Variants in RASGRF2 observed in about 807,000 individuals in gnomAD.
RASGRF2 encodes the protein Ras protein specific guanine nucleotide releasing factor 2.
In RASGRF2, 76 loss-of-function variants were observed where a neutral mutation model predicts 151.0. That is an observed-to-expected ratio of 0.50 (90% CI 0.42 to 0.61). The LOEUF is 0.61. Ranked by LOEUF, RASGRF2 falls within the 20% of genes least tolerant of loss-of-function variation. RASGRF2 has a pLI of 0.00. For missense variants in RASGRF2, 1,148 were observed against 1,564.6 expected, an observed-to-expected ratio of 0.73 and a Z score of 4.49; for synonymous variants, 504 against 566.5, an observed-to-expected ratio of 0.89 and a Z score of 1.57.
chr5:81,147,721 G>A (rs1263683858), intron 17 of RASGRF2, among the ~76,000 whole-genome samples: 2 of 152,156 alleles, frequency 1.3e-5, no homozygotes, highest in Non-Finnish European at 2.9e-5. Flanking sequence ...TGGTAACAGC[G>A]CAGATGTTAC....
intron 15 of RASGRF2, among the ~76,000 whole-genome samples, chr5:81,121,822 C>T (rs1046667874): frequency 2.0e-5 from 3 of 152,172 alleles, no homozygotes; most frequent in Admixed American, 6.5e-5. Flanking sequence ...GCCAAAGGGT[C>T]GCTCACTGTA....
intron 25 of RASGRF2, 138 bp downstream of exon 25, chr5:81,217,611 A>C: frequency 1.5e-6 from 1 of 684,234 alleles, no homozygotes; most frequent in Non-Finnish European, 2.1e-6. Flanking sequence ...AAACAATCTC[A>C]GTCTATCGCC....
chr5:81,008,440 C>T (rs1237224899), intron 1 of RASGRF2, among the ~76,000 whole-genome samples: 2 of 152,080 alleles, frequency 1.3e-5, no homozygotes, highest in Non-Finnish European at 2.9e-5. Context: ...CATGAGCCAC[C>T]GTGCCTGGCT....
chr5:81,173,150 G>A (rs1754696020), intron 17 of RASGRF2, among the ~76,000 whole-genome samples: 2 of 152,140 alleles, frequency 1.3e-5, no homozygotes, highest in African/African-American at 4.8e-5. Flanking sequence ...GCCAAGGCAG[G>A]TGGATCACCT....
chr5:81,016,014 G>A (rs1051197027), intron 1 of RASGRF2, among the ~76,000 whole-genome samples: 4 of 152,146 alleles, frequency 2.6e-5, no homozygotes, highest in African/African-American at 7.2e-5. Flanking sequence ...CACTGTAAGA[G>A]AAGATGGTGA....
intron 5 of RASGRF2, 58 bp downstream of exon 5, chr5:81,073,510 G>A: frequency 6.6e-7 from 1 of 1,520,134 alleles, no homozygotes; most frequent in Non-Finnish European, 8.9e-7. Context: ...TTTCCAACAA[G>A]AATTTTTACT....
chr5:81,118,614 C>T (rs1580333484), intron 15 of RASGRF2, among the ~76,000 whole-genome samples: 1 of 152,210 alleles, frequency 6.6e-6, no homozygotes. Flanking sequence ...GTCACTTGGC[C>T]ACAGCCTTGG....
At chr5:81,044,206 C>T (rs532141420) in intron 2 of RASGRF2, among the ~76,000 whole-genome samples, 2 of 152,020 alleles carry the variant, frequency 1.3e-5, no homozygotes, top group Non-Finnish European at 2.9e-5. Flanking sequence ...TCACCTGAGG[C>T]CAGGAGTTTG....
intron 15 of RASGRF2, among the ~76,000 whole-genome samples, chr5:81,115,439 G>A (rs9687170): frequency 0.13 from 19,222 of 152,196 alleles, 1,453 homozygotes; most frequent in Middle Eastern, 0.26. Context: ...TGCACCCAGC[G>A]CCAGTGCTTG....
In RASGRF2 at chr5:81,035,470, G is replaced by A. The variant is rs573368371; in HGVS notation, c.289-7407G>A. 5.9e-5 allele frequency among the ~76,000 whole-genome samples: 9 copies of A among 152,176 alleles called. No homozygotes were observed. In the South Asian group the frequency reaches 1.2e-3, roughly 21 times the overall value. On this transcript the variant is annotated intron_variant, in intron 1 of 26. Coordinates refer to ENST00000265080, the MANE Select transcript of RASGRF2 (RefSeq NM_006909.3). ...CACACCAGGGCCTGTCGTGGGGTGG[G>A]GCGAGTGGGGAGGGATAGCATTAGG...
rs924999001 is a variant in RASGRF2 at position 81,053,340 on chromosome 5, T to C, written c.395+10357T>C. Among the ~76,000 whole-genome samples, 164 of 144,232 alleles carry C rather than the reference T, an allele frequency of 1.1e-3. 2 individuals are homozygous for C. Among genetic ancestry groups the C allele is most frequent in the Admixed American group, 2.9e-3 (41 of 13,904 alleles). 94.6% of individuals were successfully genotyped at this position (144,232 alleles called of 152,430 possible). A position where few individuals can be genotyped will look rare whatever the true frequency, so the allele number is the denominator to read the frequency against. On this transcript the variant is annotated intron_variant, in intron 2 of 26. Transcript: ENST00000265080. Reference sequence around the variant, plus strand: ...CCTTCCCATGTCCAAGTGTTCTCATTGTTCAATTCCCACCTATGAGTGAGA... The same window carrying C: ...CCTTCCCATGTCCAAGTGTTCTCATCGTTCAATTCCCACCTATGAGTGAGA...
chr5:81,189,145 G>A (rs934011575), intron 18 of RASGRF2, among the ~76,000 whole-genome samples: 1 of 152,130 alleles, frequency 6.6e-6, no homozygotes, highest in African/African-American at 2.4e-5. Flanking sequence ...CAGACGCCCC[G>A]GCCAGCCTCC....
At chr5:81,106,155 T>C (rs1044931525) in intron 12 of RASGRF2, among the ~76,000 whole-genome samples, 3 of 152,238 alleles carry the variant, frequency 2.0e-5, no homozygotes, top group African/African-American at 7.2e-5. Flanking sequence ...CTTTTAAATA[T>C]ATTTGCATCA....
chr5:81,219,900 T>C (rs1755822203), intron 26 of RASGRF2, 122 bp downstream of exon 26: 1 of 539,888 alleles, frequency 1.9e-6, no homozygotes, highest in Non-Finnish European at 3.0e-6. Context: ...ACCAGTAAAA[T>C]AGAAAATCTT....
chr5:81,197,904 T>A (rs752909473), intron 18 of RASGRF2, among the ~76,000 whole-genome samples: 1 of 152,224 alleles, frequency 6.6e-6, no homozygotes, highest in Non-Finnish European at 1.5e-5. Flanking sequence ...ACGTGTTTTA[T>A]AAGGATACAT....
At chr5:81,025,962 C>T (rs893683000) in intron 1 of RASGRF2, among the ~76,000 whole-genome samples, 1 of 149,998 alleles carries the variant, frequency 6.7e-6, no homozygotes, top group Non-Finnish European at 1.5e-5. Flanking sequence ...GGCCCTTTCG[C>T]CCTCCTTCCT....
chr5:81,094,086 T>C (rs966675239), intron 10 of RASGRF2, among the ~76,000 whole-genome samples: 1 of 152,010 alleles, frequency 6.6e-6, no homozygotes. Context: ...TGAGTGAGAG[T>C]GGGTTGAAAG....
chr5:81,141,918 T>G (rs1753894170), intron 17 of RASGRF2, among the ~76,000 whole-genome samples: 1 of 152,212 alleles, frequency 6.6e-6, no homozygotes, highest in Non-Finnish European at 1.5e-5. Context: ...GGATTAAATT[T>G]GCAGTGAGAT....
chr5:81,152,708 C>T (rs1754165473), intron 17 of RASGRF2, among the ~76,000 whole-genome samples: 1 of 152,176 alleles, frequency 6.6e-6, no homozygotes, highest in African/African-American at 2.4e-5. Context: ...CATTTATGAA[C>T]TCCTGAAATC....
Sources: gnomAD v4.1 joint callset for allele counts (sites outside exome capture counted in the v4.1 genomes callset) on GRCh38, gnomAD v4.1.1 for gene constraint, MANE v1.5 for transcripts, NCBI Gene and HGNC (gene_info 2026-07-23, HGNC 2026-07-21) for gene names.